The following PTPRD variants were observed in gnomAD, a reference collection of about 807,000 sequenced individuals.
The protein encoded by PTPRD is protein tyrosine phosphatase receptor type D.
PTPRD carries 34 observed loss-of-function variants against 214.5 expected under a neutral mutation model. That is an observed-to-expected ratio of 0.16 (90% CI 0.12 to 0.21). PTPRD has a LOEUF of 0.21. Ranked by LOEUF, PTPRD falls within the 10% of genes least tolerant of loss-of-function variation. PTPRD has a pLI of 1.00. For synonymous variants in PTPRD, 1,128 were observed against 845.7 expected (o/e 1.33, Z -5.79); for missense variants, 2,545 against 2,398.7 (o/e 1.06, Z -1.27).
chr9:8,858,782 T>C (rs1344541685), intron 11 of PTPRD, among the ~76,000 whole-genome samples: 1 of 126,740 alleles, frequency 7.9e-6, no homozygotes, highest in Non-Finnish European at 1.7e-5. Flanking sequence ...GCAGGAGAGG[T>C]GGGTGAAGGA....
intron 9 of PTPRD, among the ~76,000 whole-genome samples, chr9:9,323,485 A>C (rs1004956169): frequency 6.6e-6 from 1 of 152,148 alleles, no homozygotes; most frequent in African/African-American, 2.4e-5. Context: ...AGGTCGTCTA[A>C]CTCCACATTC....
At chr9:9,776,445 A>C (rs372468397) in intron 5 of PTPRD, among the ~76,000 whole-genome samples, 4 of 152,166 alleles carry the variant, frequency 2.6e-5, no homozygotes, top group Non-Finnish European at 4.4e-5. Flanking sequence ...CAGCCCTAAT[A>C]AACTTTGCTT....
At chr9:10,318,093 T>TAATA (rs1216519649) in intron 3 of PTPRD, among the ~76,000 whole-genome samples, 1 of 152,060 alleles carries the variant, frequency 6.6e-6, no homozygotes, top group Non-Finnish European at 1.5e-5. Flanking sequence ...AAACTTTGGC[T>TAATA]AATATTTTGA....
intron 5 of PTPRD, among the ~76,000 whole-genome samples, chr9:9,849,311 G>A (rs188912318): frequency 2.0e-5 from 3 of 151,908 alleles, no homozygotes; most frequent in Admixed American, 6.6e-5. Context: ...CTAGAAGACA[G>A]GTAGTAAAAG....
chr9:9,554,375 T>C (rs74342922), intron 8 of PTPRD, among the ~76,000 whole-genome samples: 2,513 of 151,712 alleles, frequency 0.017, 39 homozygotes, highest in Admixed American at 0.026. Context: ...ATTTACTTAC[T>C]AGTGCACACT....
intron 2 of PTPRD, among the ~76,000 whole-genome samples, chr9:10,392,188 AT>A (rs1422419878): frequency 2.0e-5 from 3 of 151,958 alleles, no homozygotes; most frequent in Non-Finnish European, 4.4e-5. Flanking sequence ...AGTTTAGTGC[AT>A]TTTCTATCGT....
chr9:9,949,871 T>A (rs976572596), intron 4 of PTPRD, among the ~76,000 whole-genome samples: 2 of 152,186 alleles, frequency 1.3e-5, no homozygotes, highest in Admixed American at 6.5e-5. Context: ...GATGACCGCA[T>A]TGAGTTATTG....
chr9:9,878,391 G>A (rs952043912), intron 5 of PTPRD, among the ~76,000 whole-genome samples: 6 of 152,152 alleles, frequency 3.9e-5, no homozygotes, highest in African/African-American at 1.2e-4. Flanking sequence ...GCTATCGTGG[G>A]AGAATTATAG....
chr9:8,341,289 A>AG, intron 40 of PTPRD, 21 bp from the exon 41 acceptor site: 2 of 1,555,540 alleles, frequency 1.3e-6, no homozygotes, highest in Non-Finnish European at 1.7e-6. Flanking sequence ...GGAAAAAAAA[A>AG]AAAGGAAAAA....
chr9:9,704,126 T>C (rs2097552144), intron 7 of PTPRD, among the ~76,000 whole-genome samples: 1 of 152,208 alleles, frequency 6.6e-6, no homozygotes, highest in African/African-American at 2.4e-5. Flanking sequence ...AATTTATATG[T>C]TAATTTTCTG....
At chr9:10,282,222 A>G (rs780385940) in intron 3 of PTPRD, among the ~76,000 whole-genome samples, 11 of 152,172 alleles carry the variant, frequency 7.2e-5, no homozygotes, top group Non-Finnish European at 1.0e-4. Context: ...TAAAATGGGA[A>G]TGATAACAAT....
intron 5 of PTPRD, among the ~76,000 whole-genome samples, chr9:9,837,057 G>T (rs1015044213): frequency 6.8e-6 from 1 of 147,176 alleles, no homozygotes; most frequent in Non-Finnish European, 1.5e-5. Flanking sequence ...GAGGTCTATA[G>T]TAGCTCTACA....
intron 9 of PTPRD, among the ~76,000 whole-genome samples, chr9:9,270,528 T>C (rs928598437): frequency 6.6e-6 from 1 of 151,380 alleles, no homozygotes; most frequent in Non-Finnish European, 1.5e-5. Context: ...AAGGCTGACG[T>C]GGCTGAGTGT....
intron 6 of PTPRD, among the ~76,000 whole-genome samples, chr9:9,759,852 C>T (rs1283528585): frequency 3.9e-5 from 6 of 152,038 alleles, no homozygotes; most frequent in Non-Finnish European, 7.4e-5. Context: ...CCACTGTGCC[C>T]GGCCAAGGTC....
intron 5 of PTPRD, among the ~76,000 whole-genome samples, chr9:9,936,411 G>A (rs374328876): frequency 2.6e-4 from 40 of 151,856 alleles, no homozygotes; most frequent in Admixed American, 7.9e-4. Context: ...AAAAGTGGGC[G>A]AAGGACATGA....
intron 10 of PTPRD, among the ~76,000 whole-genome samples, chr9:9,108,532 G>A (rs1034751196): frequency 6.6e-6 from 1 of 152,112 alleles, no homozygotes; most frequent in Non-Finnish European, 1.5e-5. Context: ...TCTCCTCTAT[G>A]TAGTGACTCA....
At chr9:10,265,352 A>G (rs1055540526) in intron 3 of PTPRD, among the ~76,000 whole-genome samples, 1 of 152,208 alleles carries the variant, frequency 6.6e-6, no homozygotes. Context: ...ACCATCAGAC[A>G]TAAAAATGAG....
intron 8 of PTPRD, among the ~76,000 whole-genome samples, chr9:9,487,739 G>A (rs2095711688): frequency 6.6e-6 from 1 of 152,084 alleles, no homozygotes; most frequent in African/African-American, 2.4e-5. Flanking sequence ...AACTGCTCTT[G>A]ATATAGACTT....
chr9:10,559,311 T>A (rs1036924297), intron 2 of PTPRD, among the ~76,000 whole-genome samples: 1 of 152,136 alleles, frequency 6.6e-6, no homozygotes, highest in African/African-American at 2.4e-5. Flanking sequence ...AGACTTGCAA[T>A]ATTAATTTAC....
Sources: gnomAD v4.1 joint callset for allele counts (sites outside exome capture counted in the v4.1 genomes callset) on GRCh38, gnomAD v4.1.1 for gene constraint, MANE v1.5 for transcripts, NCBI Gene and HGNC (gene_info 2026-07-23, HGNC 2026-07-21) for gene names.